PHACTR3: variants seen among roughly 807,000 people sequenced by gnomAD.
The protein encoded by PHACTR3 is protein phosphatase 1, regulatory subunit 123.
PHACTR3 carries 16 observed loss-of-function variants against 66.8 expected under a neutral mutation model. The ratio of observed to expected loss-of-function variants is 0.24; its 90% CI spans 0.16 to 0.36. The LOEUF is 0.36. Ranked by LOEUF, PHACTR3 falls within the 10% of genes least tolerant of loss-of-function variation. The probability of loss-of-function intolerance (pLI) is 1.00; values close to 1 mark genes in which losing one functional copy is unlikely to be tolerated. For missense variants in PHACTR3, 647 were observed against 719.9 expected, an observed-to-expected ratio of 0.90 and a Z score of 1.16; for synonymous variants, 323 against 292.1, an observed-to-expected ratio of 1.11 and a Z score of -1.08.
At chr20:59,624,464 T>G (rs1410690326) in intron 1 of PHACTR3, among the ~76,000 whole-genome samples, 1 of 152,208 alleles carries the variant, frequency 6.6e-6, no homozygotes, top group East Asian at 1.9e-4. Flanking sequence ...ACATGCATTT[T>G]TAGCAAGATC....
At chr20:59,768,662 G>A (rs975014530) in intron 5 of PHACTR3, among the ~76,000 whole-genome samples, 13 of 152,252 alleles carry the variant, frequency 8.5e-5, no homozygotes, top group Non-Finnish European at 1.2e-4. Context: ...AGGAGAGCCC[G>A]GGCATGAGCT....
At position 59,692,648 on chromosome 20, in the gene PHACTR3, C is replaced by T. The variant is rs373943586; in HGVS notation, c.119-50459C>T. 3.9e-5 allele frequency among the ~76,000 whole-genome samples: 6 copies of T among 152,208 alleles called. No homozygotes were observed. In the South Asian group the frequency reaches 6.2e-4, roughly 16 times the overall value. ...AGACTGAGCACTAAAAAGGTGAATG[C>T]GGAGCCAGTGTGAGCACAAAAGGCC... On this transcript the variant is annotated intron_variant, in intron 1 of 12. Transcript: ENST00000371015.
chr20:59,838,503 A>G lies in PHACTR3; in HGVS notation c.1385-1866A>G, dbSNP rs573167866. Among the ~76,000 whole-genome samples, 7 of 152,308 alleles carry G rather than the reference A, an allele frequency of 4.6e-5. No individual in the cohort carries two copies. In the East Asian group the frequency reaches 1.4e-3, roughly 29 times the overall value. On this transcript the variant is annotated intron_variant, in intron 9 of 12. Transcript: ENST00000371015. Reference sequence around the variant, plus strand: ...GGGGTCCCTTTATATGGTGATGGTAATTCTTTATTAGGCCCAATCTGTGCC... The same window carrying G: ...GGGGTCCCTTTATATGGTGATGGTAGTTCTTTATTAGGCCCAATCTGTGCC...
At position 59,790,215 on chromosome 20, in the gene PHACTR3, G is replaced by A. The variant is rs113278881; in HGVS notation, c.1174+15725G>A. On this transcript the variant is annotated intron_variant, in intron 7 of 12. Coordinates refer to ENST00000371015, the MANE Select transcript of PHACTR3 (RefSeq NM_080672.5). ...GAGGGTTTGTTGTACAGATTATTTC[G>A]TCACCCAGGTATTAATCTTAGTACC... Among the ~76,000 whole-genome samples the A allele has an allele frequency of 9.1e-3, 1,384 of 151,938 alleles. 26 individuals carry two copies. The highest frequency in any genetic ancestry group is 0.031 in the African/African-American group (1,281 of 41,406).
intron 2 of PHACTR3, 47 bp from the exon 3 acceptor site, chr20:59,747,711 G>A (rs1479942685): frequency 2.5e-6 from 4 of 1,600,214 alleles, no homozygotes; most frequent in Non-Finnish European, 3.4e-6. Flanking sequence ...ACAGGGCCCA[G>A]TGACACCTTT....
chr20:59,687,764 C>G (rs79023985), intron 1 of PHACTR3, among the ~76,000 whole-genome samples: 7,300 of 152,206 alleles, frequency 0.048, 194 homozygotes, highest in Middle Eastern at 0.065. Context: ...GTAGCTGCCA[C>G]CAAGAAACAC....
Position 59,806,045 on chromosome 20 carries a change from A to C in PHACTR3, c.1179A>C (p.Thr393=). The C allele has an allele frequency of 6.2e-7, 1 of 1,613,602 alleles. No homozygotes were observed. Among genetic ancestry groups the C allele is most frequent in the Non-Finnish European group, 8.5e-7 (1 of 1,179,776 alleles). The change falls in exon 8 of 13, where the codon ACA becomes ACC. Residue 393 remains threonine, a synonymous_variant. Transcript: ENST00000371015. Reference sequence around the variant, plus strand: ...TGCCCTGGATGGGGCTTTTAGGAACACTGCCACGGAAATGCAAGAAGGAGC... The same window carrying C: ...TGCCCTGGATGGGGCTTTTAGGAACCCTGCCACGGAAATGCAAGAAGGAGC... ...EALNDSIISG[T]LPRKCKKELL... is the part of the protein sequence containing the mutation.
chr20:59,634,839 A>T (rs1026628987), intron 1 of PHACTR3, among the ~76,000 whole-genome samples: 1 of 152,232 alleles, frequency 6.6e-6, no homozygotes, highest in Admixed American at 6.5e-5. Context: ...AATGTGGCTC[A>T]TGCAACCTCA....
intron 1 of PHACTR3, among the ~76,000 whole-genome samples, chr20:59,598,792 G>T (rs145803200): frequency 2.6e-5 from 4 of 152,268 alleles, no homozygotes; most frequent in African/African-American, 7.2e-5. Flanking sequence ...ATTCCCACCC[G>T]CCACTACTTC....
At chr20:59,741,270 C>T (rs1157263541) in intron 1 of PHACTR3, among the ~76,000 whole-genome samples, 4 of 152,250 alleles carry the variant, frequency 2.6e-5, no homozygotes, top group African/African-American at 9.6e-5. Flanking sequence ...CACGCGCTGA[C>T]CATGGGAGGC....
At chr20:59,696,713 G>T (rs906330935) in intron 1 of PHACTR3, among the ~76,000 whole-genome samples, 2 of 152,168 alleles carry the variant, frequency 1.3e-5, no homozygotes, top group African/African-American at 4.8e-5. Flanking sequence ...GCTGCCCATG[G>T]AGAACACAAG....
chr20:59,676,417 A>T (rs571583203), intron 1 of PHACTR3, among the ~76,000 whole-genome samples: 47 of 152,248 alleles, frequency 3.1e-4, no homozygotes, highest in South Asian at 6.2e-4. Flanking sequence ...CACTTGATCC[A>T]CTGAGCCGGA....
chr20:59,719,290 G>A (rs532697169), intron 1 of PHACTR3, among the ~76,000 whole-genome samples: 3 of 152,014 alleles, frequency 2.0e-5, no homozygotes, highest in Non-Finnish European at 2.9e-5. Context: ...TCAGCCTCCC[G>A]AGTAGCTGGG....
chr20:59,841,589 A>G (rs1422107743), intron 11 of PHACTR3, 54 bp downstream of exon 11: 1 of 1,556,130 alleles, frequency 6.4e-7, no homozygotes, highest in African/African-American at 1.4e-5. Context: ...TAAAGGCAAA[A>G]TATGTCATGC....
At chr20:59,776,806 C>G (rs2040555678) in intron 7 of PHACTR3, among the ~76,000 whole-genome samples, 1 of 126,734 alleles carries the variant, frequency 7.9e-6, no homozygotes, top group Non-Finnish European at 1.8e-5. Context: ...GAGACGGCAT[C>G]AAAGCACATC....
intron 1 of PHACTR3, among the ~76,000 whole-genome samples, chr20:59,690,972 T>C (rs1232920787): frequency 6.6e-6 from 1 of 152,160 alleles, no homozygotes; most frequent in Non-Finnish European, 1.5e-5. Context: ...TATACAGGAC[T>C]GGGAGAGGCT....
intron 1 of PHACTR3, among the ~76,000 whole-genome samples, chr20:59,589,767 T>A (rs1305320812): frequency 6.6e-6 from 1 of 152,236 alleles, no homozygotes. Context: ...TATTTAAACA[T>A]GAAAGATCTT....
intron 1 of PHACTR3, among the ~76,000 whole-genome samples, chr20:59,670,784 G>A (rs957571155): frequency 2.0e-4 from 30 of 152,156 alleles, no homozygotes; most frequent in African/African-American, 7.0e-4. Flanking sequence ...ACTGCACTTG[G>A]CTATTTACAG....
intron 1 of PHACTR3, among the ~76,000 whole-genome samples, chr20:59,702,100 C>T (rs1180939383): frequency 6.6e-6 from 1 of 152,144 alleles, no homozygotes; most frequent in Non-Finnish European, 1.5e-5. Context: ...TTTGTTTATC[C>T]ATTTACCTGT....
Sources: gnomAD v4.1 joint callset for allele counts (sites outside exome capture counted in the v4.1 genomes callset) on GRCh38, gnomAD v4.1.1 for gene constraint, MANE v1.5 for transcripts, NCBI Gene and HGNC (gene_info 2026-07-23, HGNC 2026-07-21) for gene names.